Variants in CTNNA2 observed in about 807,000 individuals in gnomAD.
CTNNA2 encodes the protein catenin alpha 2.
In CTNNA2, 42 loss-of-function variants were observed where a neutral mutation model predicts 101.0. The observed-to-expected ratio is 0.42, with a 90% CI of 0.32 to 0.54. The LOEUF is 0.54. Ranked by LOEUF, CTNNA2 falls within the 20% of genes least tolerant of loss-of-function variation. The probability of loss-of-function intolerance (pLI) is 0.14; values close to 1 mark genes in which losing one functional copy is unlikely to be tolerated. For missense variants in CTNNA2, 871 were observed against 1,223.1 expected (o/e 0.71, Z 4.29); for synonymous variants, 450 against 456.4 (o/e 0.99, Z 0.18).
chr2:79,921,021 C>T (rs567436762), intron 7 of CTNNA2, among the ~76,000 whole-genome samples: 1 of 152,198 alleles, frequency 6.6e-6, no homozygotes, highest in African/African-American at 2.4e-5. Context: ...CTTAACTCAT[C>T]ACTTCCTAAA....
chr2:79,614,447 A>T (rs1354053823), intron 1 of CTNNA2, among the ~76,000 whole-genome samples: 1 of 152,168 alleles, frequency 6.6e-6, no homozygotes, highest in Non-Finnish European at 1.5e-5. Context: ...CCAGGGAAAG[A>T]TCCAGGTTTT....
At position 79,209,986 on chromosome 2, in the gene CTNNA2, G is replaced by T. The variant is rs1674149900; in HGVS notation, c.-406+11910G>T. On this transcript the variant is annotated intron_variant, in intron 2 of 21. Transcript: ENST00000466387. ...TGTGTGTTGGGGGGGCGGGGGTGTG[G>T]CGGGGGTATTGGAAATTAATGACAG... 2.6e-5 allele frequency among the ~76,000 whole-genome samples: 4 copies of T among 151,786 alleles called. 1 individual carries two copies. In the South Asian group the frequency reaches 8.3e-4, roughly 32 times the overall value.
At position 80,628,535 on chromosome 2, in the gene CTNNA2, A is replaced by G. The variant is rs141306851; in HGVS notation, c.2574+9307A>G. 8.5e-3 allele frequency among the ~76,000 whole-genome samples: 1,292 copies of G among 152,054 alleles called. 15 individuals are homozygous for G. The highest frequency in any genetic ancestry group is 0.029 in the African/African-American group (1,211 of 41,486). On this transcript the variant is annotated intron_variant, in intron 18 of 18. Transcript: ENST00000402739. ...GAAAACTGGCTAACCATATGCAGAA[A>G]GCTGAAGTTGGATCCCTTCCTTACA...
intron 15 of CTNNA2, among the ~76,000 whole-genome samples, chr2:80,590,598 T>C (rs187402943): frequency 1.1e-4 from 16 of 152,306 alleles, no homozygotes; most frequent in African/African-American, 3.6e-4. Context: ...AAGGCTAGAA[T>C]TGATTATAAG....
intron 7 of CTNNA2, among the ~76,000 whole-genome samples, chr2:79,974,744 G>A (rs1212527688): frequency 6.6e-6 from 1 of 152,132 alleles, no homozygotes; most frequent in Admixed American, 6.5e-5. Context: ...TTTGGTGTGG[G>A]AGACAGATAA....
chr2:80,327,012 A>G (rs541330269), intron 7 of CTNNA2, among the ~76,000 whole-genome samples: 2 of 152,126 alleles, frequency 1.3e-5, no homozygotes, highest in African/African-American at 4.8e-5. Flanking sequence ...CGCTGATGAC[A>G]TTTATTTTCT....
At chr2:79,446,471 T>G (rs1043028547) in intron 4 of CTNNA2, among the ~76,000 whole-genome samples, 3 of 152,086 alleles carry the variant, frequency 2.0e-5, no homozygotes, top group African/African-American at 7.2e-5. Flanking sequence ...GTGGTTTCTT[T>G]CAAGCCAATT....
At chr2:79,950,669 G>C (rs1008451147) in intron 7 of CTNNA2, among the ~76,000 whole-genome samples, 3 of 152,076 alleles carry the variant, frequency 2.0e-5, no homozygotes, top group African/African-American at 7.2e-5. Context: ...GAGAATTTGT[G>C]GTAACATATT....
intron 3 of CTNNA2, among the ~76,000 whole-genome samples, chr2:79,802,882 G>A (rs1015965069): frequency 2.6e-4 from 40 of 152,052 alleles, no homozygotes; most frequent in African/African-American, 9.4e-4. Context: ...TAATGTGCAA[G>A]CACAAGAAAA....
intron 2 of CTNNA2, among the ~76,000 whole-genome samples, chr2:79,298,368 C>G (rs1676031549): frequency 6.6e-6 from 1 of 152,100 alleles, no homozygotes; most frequent in Non-Finnish European, 1.5e-5. Context: ...AGACCCTTGA[C>G]CCAAACACCT....
chr2:80,341,709 T>G (rs1672265712), intron 7 of CTNNA2, among the ~76,000 whole-genome samples: 1 of 152,156 alleles, frequency 6.6e-6, no homozygotes, highest in South Asian at 2.1e-4. Flanking sequence ...GTTCGGTAGG[T>G]TCTCAAGTTG....
chr2:79,875,113 A>G (rs1431881769), intron 6 of CTNNA2, among the ~76,000 whole-genome samples: 3 of 152,288 alleles, frequency 2.0e-5, no homozygotes, highest in South Asian at 4.1e-4. Context: ...TGAAAGTCCT[A>G]CATTCTACAC....
intron 4 of CTNNA2, among the ~76,000 whole-genome samples, chr2:79,504,232 T>G (rs1671363559): frequency 6.6e-6 from 1 of 152,196 alleles, no homozygotes; most frequent in Non-Finnish European, 1.5e-5. Flanking sequence ...TTTTTTTCCT[T>G]TATCTCTTTT....
chr2:79,593,309 A>G (rs991267508), intron 1 of CTNNA2, among the ~76,000 whole-genome samples: 1 of 152,162 alleles, frequency 6.6e-6, no homozygotes. Flanking sequence ...TTGCTTGACC[A>G]TCTCCTGAGC....
chr2:79,515,284 C>G lies in CTNNA2; in HGVS notation c.-6+2077C>G, dbSNP rs771318129. 3.9e-5 allele frequency among the ~76,000 whole-genome samples: 6 copies of G among 152,154 alleles called. No individual in the cohort carries two copies. In the South Asian group the frequency reaches 1.2e-3, roughly 32 times the overall value. On this transcript the variant is annotated intron_variant, in intron 1 of 18. Coordinates refer to ENST00000402739, the MANE Select transcript of CTNNA2 (RefSeq NM_001282597.3). Reference sequence around the variant, plus strand: ...GTGTTTTCCTTGTTGGTGTTCCTTTCCCTAGAATACCGTGAAACAAGTGAA... The same window carrying G: ...GTGTTTTCCTTGTTGGTGTTCCTTTGCCTAGAATACCGTGAAACAAGTGAA...
At chr2:79,945,863 C>T (rs1688458824) in intron 7 of CTNNA2, among the ~76,000 whole-genome samples, 1 of 152,104 alleles carries the variant, frequency 6.6e-6, no homozygotes, top group African/African-American at 2.4e-5. Flanking sequence ...CTCCCAAGTG[C>T]TTCAGTGTTC....
At chr2:80,155,943 C>G (rs1257995321) in intron 7 of CTNNA2, among the ~76,000 whole-genome samples, 1 of 152,198 alleles carries the variant, frequency 6.6e-6, no homozygotes, top group Non-Finnish European at 1.5e-5. Context: ...CTTCTGTTAT[C>G]CATTGCTCTA....
At chr2:79,767,504 C>T (rs1558912007) in intron 3 of CTNNA2, among the ~76,000 whole-genome samples, 1 of 152,060 alleles carries the variant, frequency 6.6e-6, no homozygotes, top group African/African-American at 2.4e-5. Flanking sequence ...GAAGGCTTTC[C>T]AGATATTTGA....
At chr2:80,467,635 T>C (rs763806433) in intron 9 of CTNNA2, among the ~76,000 whole-genome samples, 2 of 152,212 alleles carry the variant, frequency 1.3e-5, no homozygotes, top group Non-Finnish European at 2.9e-5. Context: ...TTTTTCTTTT[T>C]TAACAAACTG....
Sources: allele counts gnomAD v4.1 joint callset (sites outside exome capture counted in the v4.1 genomes callset), GRCh38; gene constraint gnomAD v4.1.1; transcripts MANE v1.5; gene names NCBI Gene and HGNC (gene_info 2026-07-23, HGNC 2026-07-21).